The following CPPED1 variants were observed in gnomAD, a reference collection of about 807,000 sequenced individuals.
CPPED1 encodes serine/threonine-protein phosphatase CPPED1.
In CPPED1, 28 loss-of-function variants were observed where a neutral mutation model predicts 28.0. That is an observed-to-expected ratio of 1.00 (90% confidence interval 0.74 to 1.37). CPPED1 has a LOEUF of 1.37. CPPED1 is among the 40% of genes most tolerant of loss of function. The pLI, the probability that CPPED1 is intolerant of heterozygous loss-of-function variation, is 0.00. For missense variants in CPPED1, 504 were observed against 416.5 expected (o/e 1.21, Z -1.83); for synonymous variants, 198 against 180.2 (o/e 1.10, Z -0.79).
At chr16:12,797,638 G>C (rs1266893670) in intron 1 of CPPED1, among the ~76,000 whole-genome samples, 2 of 152,066 alleles carry the variant, frequency 1.3e-5, no homozygotes, top group African/African-American at 4.8e-5. Flanking sequence ...TGGCTTTCCT[G>C]GGCCACAACG....
At chr16:12,731,460 G>T (rs1423848938) in intron 2 of CPPED1, among the ~76,000 whole-genome samples, 2 of 151,832 alleles carry the variant, frequency 1.3e-5, no homozygotes, top group Non-Finnish European at 2.9e-5. Flanking sequence ...AAAACAAGGG[G>T]ATAAAGATGA....
chr16:12,778,059 G>C (rs749403529), intron 2 of CPPED1, among the ~76,000 whole-genome samples: 9 of 151,522 alleles, frequency 5.9e-5, no homozygotes, highest in Non-Finnish European at 1.2e-4. Flanking sequence ...ACAGGCCCAC[G>C]CCACCATGCT....
chr16:12,675,398 T>G (rs549779675), intron 3 of CPPED1, among the ~76,000 whole-genome samples: 1 of 152,264 alleles, frequency 6.6e-6, no homozygotes, highest in African/African-American at 2.4e-5. Flanking sequence ...GAGGATGATT[T>G]CTGTGGCATT....
intron 3 of CPPED1, among the ~76,000 whole-genome samples, chr16:12,677,790 A>C (rs2079885302): frequency 6.6e-6 from 1 of 152,216 alleles, no homozygotes; most frequent in Non-Finnish European, 1.5e-5. Context: ...CATCTTAAAG[A>C]CATTTTCATG....
At chr16:12,702,239 C>T (rs1226895585) in intron 3 of CPPED1, among the ~76,000 whole-genome samples, 3 of 151,994 alleles carry the variant, frequency 2.0e-5, no homozygotes, top group Admixed American at 2.0e-4. Context: ...GGGTGGTCAA[C>T]AGGCTTCTCC....
chr16:12,798,281 A>T (rs1464417156), intron 1 of CPPED1, among the ~76,000 whole-genome samples: 1 of 152,222 alleles, frequency 6.6e-6, no homozygotes, highest in East Asian at 1.9e-4. Flanking sequence ...TACTCACAGG[A>T]ACTCTCAAAT....
intron 1 of CPPED1, among the ~76,000 whole-genome samples, chr16:12,802,322 C>T (rs2080665070): frequency 6.6e-6 from 1 of 152,300 alleles, no homozygotes; most frequent in South Asian, 2.1e-4. Flanking sequence ...TCGTCCCAGG[C>T]CGGGCGCGGT....
intron 2 of CPPED1, among the ~76,000 whole-genome samples, chr16:12,733,322 T>C (rs912923691): frequency 6.6e-6 from 1 of 150,402 alleles, no homozygotes; most frequent in African/African-American, 2.4e-5. Context: ...TCACCCAGGC[T>C]GGAATGCAGT....
chr16:12,705,302 G>C (rs761038558), intron 2 of CPPED1, among the ~76,000 whole-genome samples: 1 of 152,194 alleles, frequency 6.6e-6, no homozygotes, highest in Non-Finnish European at 1.5e-5. Flanking sequence ...ATGTTGCTGA[G>C]TGATGGTGTG....
chr16:12,802,509 G>A (rs1391156480), intron 1 of CPPED1, among the ~76,000 whole-genome samples: 4 of 152,182 alleles, frequency 2.6e-5, no homozygotes, highest in Non-Finnish European at 5.9e-5. Flanking sequence ...GCTGAGGCAG[G>A]AGAATCGCTT....
At chr16:12,751,736 A>C (rs1220436107) in intron 2 of CPPED1, among the ~76,000 whole-genome samples, 1 of 152,202 alleles carries the variant, frequency 6.6e-6, no homozygotes, top group Non-Finnish European at 1.5e-5. Context: ...AGGAGGCTTA[A>C]ATAGGACTGA....
At chr16:12,797,258 A>C (rs75731710) in intron 1 of CPPED1, among the ~76,000 whole-genome samples, 5 of 152,150 alleles carry the variant, frequency 3.3e-5, no homozygotes, top group Non-Finnish European at 5.9e-5. Flanking sequence ...GAAAGTTATT[A>C]AAAAAATTTA....
intron 3 of CPPED1, among the ~76,000 whole-genome samples, chr16:12,681,372 C>G (rs544591478): frequency 6.6e-6 from 1 of 152,250 alleles, no homozygotes; most frequent in African/African-American, 2.4e-5. Flanking sequence ...GATGCCCCAA[C>G]AAGAAGGCCC....
chr16:12,787,947 A>G (rs1184810685), intron 1 of CPPED1, among the ~76,000 whole-genome samples: 1 of 152,090 alleles, frequency 6.6e-6, no homozygotes, highest in Non-Finnish European at 1.5e-5. Flanking sequence ...ATGGGGCAGG[A>G]TCCGTTTCCA....
chr16:12,734,779 C>A (rs970892074), intron 2 of CPPED1, among the ~76,000 whole-genome samples: 1 of 152,150 alleles, frequency 6.6e-6, no homozygotes, highest in East Asian at 1.9e-4. Context: ...AGAGATGAGT[C>A]CTCTCATGGT....
intron 2 of CPPED1, among the ~76,000 whole-genome samples, chr16:12,768,025 T>A (rs2080449297): frequency 6.6e-6 from 1 of 152,170 alleles, no homozygotes; most frequent in Non-Finnish European, 1.5e-5. Context: ...AAGGAAAGTT[T>A]CATAAAAATT....
intron 2 of CPPED1, among the ~76,000 whole-genome samples, chr16:12,777,214 T>G (rs1013829282): frequency 4.3e-4 from 66 of 152,330 alleles, no homozygotes; most frequent in African/African-American, 1.5e-3. Context: ...GAAGAATTAT[T>G]CCTGTATTAA....
At chr16:12,672,199 G>C (rs969583703) in intron 3 of CPPED1, among the ~76,000 whole-genome samples, 3 of 152,222 alleles carry the variant, frequency 2.0e-5, no homozygotes, top group Non-Finnish European at 2.9e-5. Context: ...AATTTGAACA[G>C]AAAGAACTCA....
intron 2 of CPPED1, among the ~76,000 whole-genome samples, chr16:12,743,349 A>G (rs561183384): frequency 6.6e-6 from 1 of 152,324 alleles, no homozygotes; most frequent in African/African-American, 2.4e-5. Context: ...TCCCAAATAA[A>G]TTAAATATAA....
Sources: allele counts gnomAD v4.1 joint callset (sites outside exome capture counted in the v4.1 genomes callset), GRCh38; gene constraint gnomAD v4.1.1; transcripts MANE v1.5; gene names NCBI Gene and HGNC (gene_info 2026-07-23, HGNC 2026-07-21).